MNT: variants seen among roughly 807,000 people sequenced by gnomAD.
MNT encodes MAX network transcriptional repressor, also known as max-binding protein MNT.
MNT carries 13 observed loss-of-function variants against 40.7 expected under a neutral mutation model. That is an observed-to-expected ratio of 0.32 (90% confidence interval 0.21 to 0.51). The LOEUF is 0.51. Ranked by LOEUF, MNT falls within the 20% of genes least tolerant of loss-of-function variation. The pLI is 0.98. For synonymous variants in MNT, 426 were observed against 354.8 expected (o/e 1.20, Z -2.26); for missense variants, 757 against 792.0 (o/e 0.96, Z 0.53).
In MNT at chr17:2,394,916, A is replaced by G. The variant is rs1476363289; in HGVS notation, c.612T>C (p.Ala204=). ...TCTGTTCACTGGATTTGACTTCTTC[A>G]GCTGGTGCCAACTTCAGGGTCCCCA... ...PTLGTLKLAP[A]EEVKSSEQKK... The change falls in exon 2 of 6, where the codon GCT becomes GCC. Residue 204 remains alanine (A), a synonymous_variant. Transcript: ENST00000174618. 2.5e-6 allele frequency: 4 copies of G among 1,604,970 alleles called. No homozygotes were observed. The highest frequency in any genetic ancestry group is 4.5e-5 in the East Asian group (2 of 44,622).
intron 4 of MNT, among the ~76,000 whole-genome samples, chr17:2,388,566 A>C (rs1023076459): frequency 6.7e-6 from 1 of 149,916 alleles, no homozygotes. Context: ...CTGCTCCCCG[A>C]CCCCCTAGGC....
At chr17:2,399,015 A>G (rs76707597) in intron 1 of MNT, among the ~76,000 whole-genome samples, 1 of 41,998 alleles carries the variant, frequency 2.4e-5, no homozygotes, top group African/African-American at 9.0e-5. Flanking sequence ...CCCTTCCCCC[A>G]CCCCCGCCCG....
chr17:2,394,507 C>T (rs1354369504), intron 2 of MNT, among the ~76,000 whole-genome samples, 161 bp from the exon 3 acceptor site: 2 of 152,114 alleles, frequency 1.3e-5, no homozygotes, highest in East Asian at 3.9e-4. Context: ...CGCCCACCCC[C>T]TGGAGGACAC....
intron 4 of MNT, chr17:2,391,718 A>C (rs1271925794): frequency 6.6e-6 from 1 of 152,050 alleles, no homozygotes; most frequent in Non-Finnish European, 1.5e-5. Context: ...CAAACAACCA[A>C]AGCTCCCAGT....
chr17:2,386,799 G>A lies in MNT; in HGVS notation c.*102C>T, dbSNP rs976590304. ...AGGAGGCCTGGGGGTGGGTGGGGGG[G>A]CTGGCCTGGGCCTGGCTGGAATGTG... On this transcript the variant is annotated 3_prime_UTR_variant, in exon 6 of 6. Coordinates refer to ENST00000174618, the MANE Select transcript of MNT (RefSeq NM_020310.3). The A allele has an allele frequency of 5.6e-6, 7 of 1,243,210 alleles. No homozygotes were observed. Among genetic ancestry groups the A allele is most frequent in the Admixed American group, 6.7e-5 (2 of 29,854 alleles). 77.0% of individuals were successfully genotyped at this position (1,243,210 alleles called of 1,614,324 possible).
At chr17:2,394,367 A>C (rs2066558130) in intron 2 of MNT, 21 bp from the exon 3 acceptor site, 3 of 1,613,346 alleles carry the variant, frequency 1.9e-6, no homozygotes, top group Non-Finnish European at 2.5e-6. Context: ...GACAGATAGG[A>C]GGCTCAGGGA....
At chr17:2,387,672 A>G in intron 5 of MNT, 23 bp from the exon 6 acceptor site, 1 of 1,613,058 alleles carries the variant, frequency 6.2e-7, no homozygotes. Context: ...TGGGGCAGGG[A>G]GCAGGTCAGA....
chr17:2,393,453 G>A (rs1436386383), intron 4 of MNT, among the ~76,000 whole-genome samples: 1 of 152,218 alleles, frequency 6.6e-6, no homozygotes, highest in Non-Finnish European at 1.5e-5. Context: ...GCGGCCCCGG[G>A]GCTGTTTGCC....
rs186985139 is a variant in MNT at position 2,398,841 on chromosome 17, G to A, written c.73+1799C>T. On this transcript the variant is annotated intron_variant, in intron 1 of 5. Coordinates refer to ENST00000174618, the MANE Select transcript of MNT (RefSeq NM_020310.3). ...GCCAGACCCTGCTCTGGACCATCAA[G>A]GCAACAGCCGGGGAGTGTGGGCGAT... 3.0e-4 allele frequency among the ~76,000 whole-genome samples: 45 copies of A among 152,302 alleles called. No homozygotes were observed. In the East Asian group the frequency reaches 7.7e-3, roughly 26 times the overall value.
In MNT at chr17:2,400,434, C is replaced by T. The variant is rs1597423903; in HGVS notation, c.73+206G>A. 2.1e-5 allele frequency: 10 copies of T among 483,018 alleles called. No homozygotes were observed. The East Asian group carries it at 2.7e-4, about 13-fold the overall frequency. 29.9% of individuals were successfully genotyped at this position (483,018 alleles called of 1,614,324 possible). A position where few individuals can be genotyped will look rare whatever the true frequency, so the allele number is the denominator to read the frequency against. On this transcript the variant is annotated intron_variant, in intron 1 of 5. Coordinates refer to ENST00000174618, the MANE Select transcript of MNT (RefSeq NM_020310.3). ...GGTGGCGCCCGCAGGAGCCAGGTCC[C>T]TCGCAGCATGTTAATGAATTCATTA...
chr17:2,395,680 A>ACGGGGGCTGACG (rs2066572769), intron 1 of MNT, among the ~76,000 whole-genome samples: 1 of 151,750 alleles, frequency 6.6e-6, no homozygotes. Context: ...ATAGTAGGAC[A>ACGGGGGCTGACG]GTCACGGGGG....
chr17:2,387,948 C>A lies in MNT; in HGVS notation c.909G>T (p.Leu303=). The part of the protein sequence containing the change: ...QQRLAELKHE[L]SQWMDVLEID... ...TCTCCAGTACGTCCATCCACTGGCT[C>A]AGCTCGTGCTTGAGCTCTGCCAGCC... The change falls in exon 5 of 6, where the codon CTG becomes CTT. Residue 303 remains leucine, a synonymous_variant. Coordinates refer to ENST00000174618, the MANE Select transcript of MNT (RefSeq NM_020310.3). 1 of 1,608,868 alleles carries A rather than the reference C, an allele frequency of 6.2e-7. No homozygotes were observed. The highest frequency in any genetic ancestry group is 8.5e-7 in the Non-Finnish European group (1 of 1,177,954).
rs1421183847 is a variant in MNT at position 2,387,346 on chromosome 17, C to T, written c.1304G>A (p.Gly435Glu). The T allele has an allele frequency of 6.2e-7, 1 of 1,612,194 alleles. No individual in the cohort carries two copies. The highest frequency in any genetic ancestry group is 1.3e-5 in the African/African-American group (1 of 74,904). ...GTGGGCGATGACCGTGGAGCCACCC[C>T]CAGCCGTCGCCACCAGATGGGCTGG... is the stretch of plus-strand genomic sequence containing the variant. ...PAPAHLVATA[G>E]GGSTVIAHTA... Residue 435 changes from glycine to glutamate, a missense_variant, in exon 6 of 6, where the codon GGG becomes GAG. By Grantham distance (98) the Gly-to-Glu change is moderately conservative (BLOSUM62 -2). Transcript: ENST00000174618.
Position 2,386,729 on chromosome 17 carries a change from G to A in MNT, c.*172C>T, listed in dbSNP as rs951287909. 46 of 587,992 alleles carry A rather than the reference G, an allele frequency of 7.8e-5. No individual in the cohort carries two copies. The highest frequency in any genetic ancestry group is 3.4e-4 in the East Asian group (11 of 32,594). 36.4% of individuals were successfully genotyped at this position (587,992 alleles called of 1,614,324 possible). A position where few individuals can be genotyped will look rare whatever the true frequency, so the allele number is the denominator to read the frequency against. On this transcript the variant is annotated 3_prime_UTR_variant, in exon 6 of 6. Coordinates refer to ENST00000174618, the MANE Select transcript of MNT (RefSeq NM_020310.3). ...TTACCAAGTCCTAGTGCAGCAGGGT[G>A]GCCCTTCCCTCCCTTGGCTCAGAGT... is the stretch of plus-strand genomic sequence containing the variant.
At position 2,388,086 on chromosome 17, in the gene MNT, G is replaced by A. The variant is rs1231594273; in HGVS notation, c.808-37C>T. ...AGTAAGGGACAGCAGGACACCCTGA[G>A]CAGCAGCCTTGGGGCCCAAAGCCCC... On this transcript the variant is annotated intron_variant, in intron 4 of 5. Coordinates refer to ENST00000174618, the MANE Select transcript of MNT (RefSeq NM_020310.3). 2.6e-6 allele frequency: 4 copies of A among 1,518,872 alleles called. No homozygotes were observed. In the East Asian group the frequency reaches 9.9e-5, roughly 38 times the overall value. 94.1% of individuals were successfully genotyped at this position (1,518,872 alleles called of 1,614,324 possible).
intron 2 of MNT, among the ~76,000 whole-genome samples, chr17:2,394,558 A>G (rs1349611400): frequency 6.6e-6 from 1 of 151,926 alleles, no homozygotes; most frequent in Non-Finnish European, 1.5e-5. Flanking sequence ...CCTCCGTCCC[A>G]CCAGGAGGGA....
rs1555610471 is a variant in MNT, at chr17:2,384,597, C to CGTGCGTGCGT, written c.*2303_*2304insACGCACGCAC. 2.1e-5 allele frequency: 3 copies of CGTGCGTGCGT among 145,662 alleles called. No individual in the cohort carries two copies. Among genetic ancestry groups the CGTGCGTGCGT allele is most frequent in the Non-Finnish European group, 4.5e-5 (3 of 66,230 alleles). 9.0% of individuals were successfully genotyped at this position (145,662 alleles called of 1,614,324 possible). ...GAGGTAAGATGTGTGCGTGTGCGTG[C>CGTGCGTGCGT]GTGTGTGTGTGTGTGTGTGTGTGTG... is the stretch of plus-strand genomic sequence containing the variant. On this transcript the variant is annotated 3_prime_UTR_variant, in exon 6 of 6. Transcript: ENST00000174618.
intron 1 of MNT, among the ~76,000 whole-genome samples, chr17:2,399,800 G>T (rs1161686717): frequency 6.6e-6 from 1 of 152,220 alleles, no homozygotes; most frequent in African/African-American, 2.4e-5. Context: ...GCAGGCACAC[G>T]CAACATTCCA....
At chr17:2,391,367 T>G (rs1478371761) in intron 4 of MNT, 1 of 152,272 alleles carries the variant, frequency 6.6e-6, no homozygotes, top group African/African-American at 2.4e-5. Context: ...ACCTTGCTGC[T>G]GGGGGCTGGA....
Sources: gnomAD v4.1 joint callset for allele counts (sites outside exome capture counted in the v4.1 genomes callset) on GRCh38, gnomAD v4.1.1 for gene constraint, MANE v1.5 for transcripts, NCBI Gene and HGNC (gene_info 2026-07-23, HGNC 2026-07-21) for gene names.